CYP7B1: variants seen among roughly 807,000 people sequenced by gnomAD.
CYP7B1 encodes the protein cytochrome P450 family 7 subfamily B member 1, also known as cytochrome P450 7B1.
A neutral mutation model predicts 42.7 loss-of-function variants in CYP7B1; 29 were observed. The observed-to-expected ratio is 0.68, with a 90% CI of 0.51 to 0.93. The LOEUF (loss-of-function observed/expected upper bound fraction) is 0.93, where lower values mean the gene tolerates loss of function less well. Ranked by LOEUF, CYP7B1 falls within the 40% of genes least tolerant of loss-of-function variation. The pLI, the probability that CYP7B1 is intolerant of heterozygous loss-of-function variation, is 0.00. For missense variants in CYP7B1, 655 were observed against 600.5 expected, an observed-to-expected ratio of 1.09 and a Z score of -0.95; for synonymous variants, 235 against 218.2, an observed-to-expected ratio of 1.08 and a Z score of -0.68.
intron 1 of CYP7B1, among the ~76,000 whole-genome samples, chr8:64,690,719 G>C (rs188069162): frequency 1.3e-5 from 2 of 152,160 alleles, no homozygotes; most frequent in South Asian, 4.1e-4. Flanking sequence ...ATATAAAATA[G>C]ATTGTGAAAC....
intron 1 of CYP7B1, 85 bp downstream of exon 1, chr8:64,798,381 G>A: frequency 7.1e-7 from 1 of 1,413,378 alleles, no homozygotes; most frequent in Non-Finnish European, 9.1e-7. Context: ...TGGAAATCAT[G>A]GAGGGGGACT....
chr8:64,587,646 T>G (rs1340103844), downstream of CYP7B1: 5 of 152,232 alleles, frequency 3.3e-5, no homozygotes. Context: ...ATTCTACTAA[T>G]TTTTCTAAAT....
intron 1 of CYP7B1, among the ~76,000 whole-genome samples, chr8:64,731,129 G>T (rs1460116109): frequency 6.6e-6 from 1 of 152,162 alleles, no homozygotes; most frequent in African/African-American, 2.4e-5. Context: ...TCTCCGGTAT[G>T]TCTTTATTAG....
At chr8:64,652,673 T>A (rs72505491) in intron 1 of CYP7B1, among the ~76,000 whole-genome samples, 9,971 of 151,988 alleles carry the variant, frequency 0.066, 395 homozygotes, top group South Asian at 0.16. Context: ...TGAAACCCCA[T>A]CTCGATTAAA....
chr8:64,637,152 AC>A (rs1449371490), intron 1 of CYP7B1, among the ~76,000 whole-genome samples: 3 of 152,176 alleles, frequency 2.0e-5, no homozygotes, highest in African/African-American at 7.2e-5. Flanking sequence ...CGTTTTATCA[AC>A]CCCTGTCAAT....
chr8:64,768,018 T>G (rs192067376), intron 1 of CYP7B1, among the ~76,000 whole-genome samples: 1 of 152,236 alleles, frequency 6.6e-6, no homozygotes, highest in Admixed American at 6.5e-5. Context: ...TGGGTTTTCC[T>G]GTTGAGAGGG....
rs539522592 is a variant in CYP7B1 at position 64,723,921 on chromosome 8, T to C, written c.122+74545A>G. Among the ~76,000 whole-genome samples, 80 of 152,302 alleles carry C rather than the reference T, an allele frequency of 5.3e-4. 1 individual carries two copies. The highest frequency in any genetic ancestry group is 1.9e-3 in the African/African-American group (78 of 41,566). ...AGTTGACCAGGACAATTTTTCATGA[T>C]ATACTCTTAAATAAAAAATAAGATG... On this transcript the variant is annotated intron_variant, in intron 1 of 5. Transcript: ENST00000310193.
chr8:64,786,061 C>T (rs1470925656), intron 1 of CYP7B1, among the ~76,000 whole-genome samples: 2 of 152,188 alleles, frequency 1.3e-5, no homozygotes, highest in Non-Finnish European at 2.9e-5. Flanking sequence ...ATGATCCAAT[C>T]ACTTCCCACC....
intron 1 of CYP7B1, among the ~76,000 whole-genome samples, chr8:64,784,747 T>G (rs1454937531): frequency 6.6e-6 from 1 of 152,170 alleles, no homozygotes; most frequent in African/African-American, 2.4e-5. Flanking sequence ...TTATTTTGAA[T>G]AGTATAAAAC....
intron 1 of CYP7B1, among the ~76,000 whole-genome samples, chr8:64,755,478 G>A (rs1807794778): frequency 6.6e-6 from 1 of 152,030 alleles, no homozygotes; most frequent in Non-Finnish European, 1.5e-5. Context: ...CAGGGCAATG[G>A]CACGATCTCG....
chr8:64,798,386 G>C (rs1439703266), intron 1 of CYP7B1, 80 bp downstream of exon 1: 7 of 1,421,292 alleles, frequency 4.9e-6, no homozygotes, highest in Non-Finnish European at 6.4e-6. Context: ...ATCATGGAGG[G>C]GGACTCCCCT....
chr8:64,650,102 CAT>C (rs1376063969), intron 1 of CYP7B1, among the ~76,000 whole-genome samples: 1 of 152,026 alleles, frequency 6.6e-6, no homozygotes, highest in Admixed American at 6.6e-5. Context: ...TGTGCCTGTG[CAT>C]ATGTTTAAAA....
chr8:64,699,387 G>GA (rs1563396526), intron 1 of CYP7B1, among the ~76,000 whole-genome samples: 1 of 151,926 alleles, frequency 6.6e-6, no homozygotes, highest in Non-Finnish European at 1.5e-5. Flanking sequence ...TAAGTGTAAT[G>GA]AAAAAATTTT....
chr8:64,784,756 A>G (rs991506693), intron 1 of CYP7B1, among the ~76,000 whole-genome samples: 1 of 152,188 alleles, frequency 6.6e-6, no homozygotes, highest in East Asian at 1.9e-4. Context: ...ATAGTATAAA[A>G]CCTCAGTTGC....
chr8:64,714,030 C>G (rs376509788), intron 1 of CYP7B1, among the ~76,000 whole-genome samples: 4 of 152,284 alleles, frequency 2.6e-5, no homozygotes, highest in South Asian at 2.1e-4. Flanking sequence ...TTTTATAGAT[C>G]AGGGCACTGA....
intron 1 of CYP7B1, among the ~76,000 whole-genome samples, chr8:64,658,634 T>G (rs1806156700): frequency 6.6e-6 from 1 of 152,198 alleles, no homozygotes; most frequent in Admixed American, 6.5e-5. Flanking sequence ...TTTTTTGTGG[T>G]CATGTTCCCT....
rs1454961570 is a variant in CYP7B1 at position 64,661,048 on chromosome 8, G to T, written c.123-36509C>A. ...TCGAAGAGAAGCTTAATGGAAGCCT[G>T]CAAATGTGAAAGAAGATGTATATAA... On this transcript the variant is annotated intron_variant, in intron 1 of 5. Coordinates refer to ENST00000310193, the MANE Select transcript of CYP7B1 (RefSeq NM_004820.5). Among the ~76,000 whole-genome samples, 6 of 152,348 alleles carry T rather than the reference G, an allele frequency of 3.9e-5. No homozygotes were observed. In the East Asian group the frequency reaches 1.2e-3, roughly 29 times the overall value.
intron 1 of CYP7B1, among the ~76,000 whole-genome samples, chr8:64,681,265 T>C (rs1806532858): frequency 6.6e-6 from 1 of 152,220 alleles, no homozygotes; most frequent in Non-Finnish European, 1.5e-5. Context: ...CCTGTTTCTT[T>C]GTTCAGCCAG....
At chr8:64,604,980 T>C in intron 4 of CYP7B1, 123 bp from the exon 5 acceptor site, 3 of 1,150,958 alleles carry the variant, frequency 2.6e-6, no homozygotes, top group Non-Finnish European at 3.8e-6. Flanking sequence ...CTTCATCACA[T>C]ACATTGAGCA....
Sources: gnomAD v4.1 joint callset for allele counts (sites outside exome capture counted in the v4.1 genomes callset) on GRCh38, gnomAD v4.1.1 for gene constraint, MANE v1.5 for transcripts, NCBI Gene and HGNC (gene_info 2026-07-23, HGNC 2026-07-21) for gene names.